Variants in PCDHA4 observed in about 807,000 individuals in gnomAD.
PCDHA4 encodes the protein protocadherin alpha 4.
In PCDHA4, 49 loss-of-function variants were observed where a neutral mutation model predicts 61.4. The ratio of observed to expected loss-of-function variants is 0.80; its 90% CI spans 0.63 to 1.01. PCDHA4 has a LOEUF of 1.01. PCDHA4 is among the 50% of genes least tolerant of loss of function. The pLI is 0.00. For missense variants in PCDHA4, 1,254 were observed against 1,235.8 expected (o/e 1.01, Z -0.22); for synonymous variants, 590 against 550.3 (o/e 1.07, Z -1.01).
In PCDHA4 at chr5:140,850,552, C is replaced by A. The variant is rs112046100; in HGVS notation, c.2385+40980C>A. On this transcript the variant is annotated intron_variant, in intron 1 of 3. Coordinates refer to ENST00000530339, the MANE Select transcript of PCDHA4 (RefSeq NM_018907.4). ...TCATCGTCGCGGGCGTCAGTGGGTG[C>A]CACGGGCCCCGAGGTGACGCTGGTG... is the stretch of plus-strand genomic sequence containing the variant. 1,841 of 1,598,232 alleles carry A rather than the reference C, an allele frequency of 1.2e-3. 121 individuals carry two copies. The African/African-American group carries it at 0.021, about 18-fold the overall frequency.
chr5:140,997,686 G>T (rs1005092816), intron 3 of PCDHA4, among the ~76,000 whole-genome samples: 1 of 151,980 alleles, frequency 6.6e-6, no homozygotes, highest in Non-Finnish European at 1.5e-5. Flanking sequence ...GTGTGTGTGT[G>T]TGTGTGTGTG....
intron 1 of PCDHA4, chr5:140,968,964 G>A (rs782792392): frequency 7.4e-6 from 12 of 1,614,136 alleles, no homozygotes; most frequent in East Asian, 4.5e-5. Context: ...AAGTGCTACC[G>A]CTACACTGCG....
At chr5:140,983,882 A>G (rs1203287819) in intron 3 of PCDHA4, among the ~76,000 whole-genome samples, 2 of 152,224 alleles carry the variant, frequency 1.3e-5, no homozygotes, top group East Asian at 3.8e-4. Flanking sequence ...TTTACTGGCA[A>G]CTTTAAGGGC....
intron 1 of PCDHA4, among the ~76,000 whole-genome samples, chr5:140,944,186 GTTT>G (rs2093621428): frequency 6.6e-6 from 1 of 151,986 alleles, no homozygotes. Flanking sequence ...TTGTTGGTTT[GTTT>G]TGTTTTGTTT....
intron 1 of PCDHA4, chr5:140,927,999 C>T: frequency 6.2e-7 from 1 of 1,614,174 alleles, no homozygotes; most frequent in Non-Finnish European, 8.5e-7. Flanking sequence ...ATGAAGACCT[C>T]GATTCTAATG....
At chr5:140,857,655 C>T (rs782490979) in intron 1 of PCDHA4, 1 of 1,596,728 alleles carries the variant, frequency 6.3e-7, no homozygotes, top group Non-Finnish European at 8.6e-7. Context: ...CAGGTGAGCG[C>T]GCGCGATGGG....
intron 1 of PCDHA4, among the ~76,000 whole-genome samples, chr5:140,892,007 T>C (rs1285446962): frequency 1.3e-5 from 2 of 152,244 alleles, no homozygotes; most frequent in South Asian, 2.1e-4. Context: ...CATTCTGTTA[T>C]AGCAGCACAA....
chr5:140,925,082 A>AAAGG (rs138596875), intron 1 of PCDHA4, among the ~76,000 whole-genome samples: 24,812 of 147,244 alleles, frequency 0.17, 2,350 homozygotes, highest in African/African-American at 0.25. Context: ...GCTCATCTGG[A>AAAGG]AAGGAAGGAA....
At chr5:140,915,840 G>A (rs1554197129) in intron 1 of PCDHA4, among the ~76,000 whole-genome samples, 1 of 152,142 alleles carries the variant, frequency 6.6e-6, no homozygotes, top group Admixed American at 6.5e-5. Context: ...AGATCAGCAG[G>A]GGGTGACACC....
chr5:140,863,385 G>T (rs782510264), intron 1 of PCDHA4: 7 of 1,030,746 alleles, frequency 6.8e-6, no homozygotes, highest in Non-Finnish European at 1.0e-5. Context: ...CCGAGAGCTC[G>T]TGCATGCCGG....
At chr5:140,974,098 T>C (rs1316262429) in intron 1 of PCDHA4, among the ~76,000 whole-genome samples, 1 of 152,262 alleles carries the variant, frequency 6.6e-6, no homozygotes, top group Non-Finnish European at 1.5e-5. Flanking sequence ...AATCAAAGGT[T>C]AAAAGTATTC....
intron 1 of PCDHA4, chr5:140,830,254 G>A: frequency 6.2e-7 from 1 of 1,613,692 alleles, no homozygotes; most frequent in East Asian, 2.2e-5. Flanking sequence ...ACACAGCGCT[G>A]CGGTGCTCGG....
chr5:140,843,136 G>T (rs1554139779), intron 1 of PCDHA4: 3 of 1,596,026 alleles, frequency 1.9e-6, no homozygotes, highest in Non-Finnish European at 2.6e-6. Context: ...GCTACAACGC[G>T]TGGCTTTCGT....
At chr5:140,983,438 C>T (rs1233600670) in intron 3 of PCDHA4, among the ~76,000 whole-genome samples, 2 of 152,224 alleles carry the variant, frequency 1.3e-5, no homozygotes, top group Non-Finnish European at 2.9e-5. Flanking sequence ...ATTGTGTCTA[C>T]TCTAATCCTC....
At chr5:140,978,887 A>C (rs1367734690) in intron 1 of PCDHA4, 62 bp from the exon 2 acceptor site, 14 of 1,611,648 alleles carry the variant, frequency 8.7e-6, no homozygotes, top group Admixed American at 1.7e-5. Flanking sequence ...ATCAATTAGC[A>C]GCATTCCTGG....
At chr5:140,870,912 C>A in intron 1 of PCDHA4, 1 of 1,613,952 alleles carries the variant, frequency 6.2e-7, no homozygotes, top group South Asian at 1.1e-5. Context: ...CAGGCTACAA[C>A]GCGTGGCTTT....
intron 1 of PCDHA4, among the ~76,000 whole-genome samples, chr5:140,974,533 C>T (rs540810616): frequency 1.5e-4 from 23 of 152,160 alleles, no homozygotes; most frequent in Middle Eastern, 6.8e-3. Flanking sequence ...TTTTTTGAGA[C>T]GGAGTTTTGC....
At chr5:140,834,565 C>T (rs2150221167) in intron 1 of PCDHA4, 4 of 1,614,086 alleles carry the variant, frequency 2.5e-6, no homozygotes, top group Admixed American at 1.7e-5. Flanking sequence ...GAGCTGGTGC[C>T]GCGCCTGTTC....
At chr5:140,955,130 T>A (rs1173088504) in intron 1 of PCDHA4, among the ~76,000 whole-genome samples, 1 of 152,228 alleles carries the variant, frequency 6.6e-6, no homozygotes, top group African/African-American at 2.4e-5. Context: ...TCCACTGGTC[T>A]ACACGTCTGT....
Sources: gnomAD v4.1 joint callset for allele counts (sites outside exome capture counted in the v4.1 genomes callset) on GRCh38, gnomAD v4.1.1 for gene constraint, MANE v1.5 for transcripts, NCBI Gene and HGNC (gene_info 2026-07-23, HGNC 2026-07-21) for gene names.